APOE: variants seen among roughly 807,000 people sequenced by gnomAD.
The protein encoded by APOE is apolipoprotein E.
Under a neutral mutation model 13.1 loss-of-function variants are expected in APOE, and 10 were observed. The observed-to-expected ratio is 0.76, with a 90% confidence interval of 0.47 to 1.29. The LOEUF (loss-of-function observed/expected upper bound fraction) is 1.29, where lower values mean the gene tolerates loss of function less well. APOE is among the 50% of genes most tolerant of loss of function. The pLI is 0.00. For missense variants in APOE, 471 were observed against 459.6 expected (o/e 1.02, Z -0.23); for synonymous variants, 211 against 207.1 (o/e 1.02, Z -0.16).
chr19:44,907,818 G>T lies in APOE; in HGVS notation c.102G>T (p.Gln34His), dbSNP rs2122132426. ...CAGAGCCGGAGCCCGAGCTGCGCCA[G>T]CAGACCGAGTGGCAGAGCGGCCAGC... The part of the protein sequence containing the change: ...VETEPEPELR[Q>H]QTEWQSGQRW... The change falls in exon 3 of 4, where the codon CAG (glutamine) becomes CAT (histidine). Residue 34 changes from glutamine to histidine, a missense_variant. Physicochemically the swap from Gln to His is conservative, Grantham distance 24. Coordinates refer to ENST00000252486, the MANE Select transcript of APOE (RefSeq NM_000041.4). This position sits in a 1 kb window ranked among gnomAD's most constrained non-coding sequence, Gnocchi z 4.1. The T allele has an allele frequency of 1.9e-6, 3 of 1,613,954 alleles. No individual in the cohort carries two copies. Among genetic ancestry groups the T allele is most frequent in the Middle Eastern group, 1.7e-4 (1 of 6,060 alleles).
rs2122139524 is a variant in APOE, at chr19:44,909,027, G to A, written c.731G>A (p.Arg244His). The A allele has an allele frequency of 6.5e-7, 1 of 1,542,316 alleles. No individual in the cohort carries two copies. Among genetic ancestry groups the A allele is most frequent in the Non-Finnish European group, 8.7e-7 (1 of 1,149,368 alleles). The change falls in exon 4 of 4, where the codon CGC becomes CAC. Residue 244 changes from arginine (R) to histidine (H), a missense_variant. By Grantham distance (29) the Arg-to-His change is conservative (BLOSUM62 0). Transcript: ENST00000252486. Reference protein sequence around the residue: ...ARMEEMGSRTRDRLDEVKEQV... With the variant: ...ARMEEMGSRTHDRLDEVKEQV... ...ATGGAGGAGATGGGCAGCCGGACCC[G>A]CGACCGCCTGGACGAGGTGAAGGAG...
In APOE at chr19:44,908,932, T is replaced by C; in HGVS notation, c.636T>C (p.Thr212=). ...AACAGGGCCGCGTGCGGGCCGCCAC[T>C]GTGGGCTCCCTGGCCGGCCAGCCGC... ...LVEQGRVRAA[T]VGSLAGQPLQ... The change falls in exon 4 of 4, where the codon ACT becomes ACC. Residue 212 remains threonine (T), a synonymous_variant. Transcript: ENST00000252486. 1 of 1,500,240 alleles carries C rather than the reference T, an allele frequency of 6.7e-7. No individual in the cohort carries two copies. Among genetic ancestry groups the C allele is most frequent in the South Asian group, 1.3e-5 (1 of 79,148 alleles). The allele number at this position is 1,500,240 out of a possible 1,614,324, so 92.9% of individuals were successfully genotyped here. A position where few individuals can be genotyped will look rare whatever the true frequency, so the allele number is the denominator to read the frequency against.
Position 44,907,902 on chromosome 19 carries a change from T to TGA in APOE, c.188_189dup (p.Gln64SerfsTer16). The TGA allele has an allele frequency of 6.2e-7, 1 of 1,614,004 alleles. No individual in the cohort carries two copies. Among genetic ancestry groups the TGA allele is most frequent in the South Asian group, 1.1e-5 (1 of 91,068 alleles). On this transcript the variant is annotated frameshift_variant, in exon 3 of 4. Transcript: ENST00000252486. LOFTEE classifies it low-confidence loss of function (END_TRUNC). The surrounding 1 kb of genome is among the most constrained non-coding windows in gnomAD (Gnocchi z 4.1). ...ACCTGCGCTGGGTGCAGACACTGTCTGAGCAGGTGCAGGAGGAGCTGCTCA... is the reference window on the plus strand; with the variant it reads ...ACCTGCGCTGGGTGCAGACACTGTCTGAGAGCAGGTGCAGGAGGAGCTGCTCA...
chr19:44,908,422 T>G, intron 3 of APOE, 111 bp from the exon 4 acceptor site: 1 of 1,098,850 alleles, frequency 9.1e-7, no homozygotes, highest in Non-Finnish European at 1.4e-6. Context: ...CTCTGCCCCG[T>G]TCCTTCTCTC....
chr19:44,908,720 G>T lies in APOE; in HGVS notation c.424G>T (p.Ala142Ser). ...GGTGCAGTACCGCGGCGAGGTGCAG[G>T]CCATGCTCGGCCAGAGCACCGAGGA... ...RLVQYRGEVQ[A>S]MLGQSTEELR... The change falls in exon 4 of 4, where the codon GCC (alanine) becomes TCC (serine). Residue 142 changes from alanine (A) to serine (S), a missense_variant. Physicochemically the swap from Ala to Ser is moderately conservative, Grantham distance 99 (BLOSUM62 1). Coordinates refer to ENST00000252486, the MANE Select transcript of APOE (RefSeq NM_000041.4). 2 of 1,558,950 alleles carry T rather than the reference G, an allele frequency of 1.3e-6. No individual in the cohort carries two copies. The highest frequency in any genetic ancestry group is 8.7e-7 in the Non-Finnish European group (1 of 1,152,260).
Position 44,908,883 on chromosome 19 carries a change from G to C in APOE, c.587G>C (p.Arg196Pro). ...EGAERGLSAI[R>P]ERLGPLVEQG... ...GCCGAGCGCGGCCTCAGCGCCATCCGCGAGCGCCTGGGGCCCCTGGTGGAA... is the reference window on the plus strand; with the variant it reads ...GCCGAGCGCGGCCTCAGCGCCATCCCCGAGCGCCTGGGGCCCCTGGTGGAA... Residue 196 changes from arginine (R) to proline (P), a missense_variant, in exon 4 of 4, where the codon CGC (arginine) becomes CCC (proline). Transcript: ENST00000252486. 6.7e-7 allele frequency: 1 copy of C among 1,489,190 alleles called. No individual in the cohort carries two copies. The highest frequency in any genetic ancestry group is 8.9e-7 in the Non-Finnish European group (1 of 1,126,888). 92.2% of individuals were successfully genotyped at this position (1,489,190 alleles called of 1,614,324 possible). A position where few individuals can be genotyped will look rare whatever the true frequency, so the allele number is the denominator to read the frequency against.
chr19:44,905,803 G>A lies in APOE; in HGVS notation c.-62G>A. The A allele has an allele frequency of 7.9e-7, 1 of 1,262,094 alleles. No individual in the cohort carries two copies. The highest frequency in any genetic ancestry group is 1.0e-6 in the Non-Finnish European group (1 of 954,092). 78.2% of individuals were successfully genotyped at this position (1,262,094 alleles called of 1,614,324 possible). A position where few individuals can be genotyped will look rare whatever the true frequency, so the allele number is the denominator to read the frequency against. On this transcript the variant is annotated 5_prime_UTR_variant, in exon 1 of 4. Transcript: ENST00000252486. The stretch of plus-strand genomic sequence containing the variant: ...GTCTGGGATCCTTGAGTCCTACTCA[G>A]CCCCAGCGGAGGTGAAGGACGTCCT...
chr19:44,908,488 C>A (rs753832155), intron 3 of APOE, 45 bp from the exon 4 acceptor site: 1 of 1,592,012 alleles, frequency 6.3e-7, no homozygotes. Context: ...CAGCCCTTCT[C>A]CCCGCCTCCC....
At chr19:44,908,010 TC>T in intron 3 of APOE, 58 bp downstream of exon 3, 1 of 1,536,776 alleles carries the variant, frequency 6.5e-7, no homozygotes, top group Non-Finnish European at 8.9e-7. Context: ...CCTCCCCAGG[TC>T]CAGGTTTCAT....
chr19:44,907,793 CAG>C lies in APOE; in HGVS notation c.80_81del (p.Glu27AlafsTer36). On this transcript the variant is annotated frameshift_variant, in exon 3 of 4. Transcript: ENST00000252486. LOFTEE classifies it high-confidence loss of function. The surrounding 1 kb of genome is among the most constrained non-coding windows in gnomAD (Gnocchi z 4.1). ...GCCAAGGTGGAGCAAGCGGTGGAGA[CAG>C]AGCCGGAGCCCGAGCTGCGCCAGCA... 6.2e-7 allele frequency: 1 copy of C among 1,613,420 alleles called. No homozygotes were observed. The highest frequency in any genetic ancestry group is 8.5e-7 in the Non-Finnish European group (1 of 1,179,906).
At position 44,909,148 on chromosome 19, in the gene APOE, G is replaced by C; in HGVS notation, c.852G>C (p.Glu284Asp). The C allele has an allele frequency of 6.2e-7, 1 of 1,601,506 alleles. No homozygotes were observed. Residue 284 changes from glutamate to aspartate, a missense_variant, in exon 4 of 4, where the codon GAG becomes GAC. Glu to Asp is a conservative substitution (Grantham distance 45). Transcript: ENST00000252486. ...AFQARLKSWFEPLVEDMQRQW... is the reference protein window; with the variant it reads ...AFQARLKSWFDPLVEDMQRQW... ...AGGCCCGCCTCAAGAGCTGGTTCGA[G>C]CCCCTGGTGGAAGACATGCAGCGCC...
At chr19:44,906,080 C>T (rs1443748653) in intron 1 of APOE, among the ~76,000 whole-genome samples, 7 of 151,956 alleles carry the variant, frequency 4.6e-5, no homozygotes, top group South Asian at 2.1e-4. Context: ...GGGATGTAAG[C>T]CATAGCAGGA....
intron 3 of APOE, 53 bp downstream of exon 3, chr19:44,908,005 C>T: frequency 2.6e-6 from 4 of 1,553,692 alleles, no homozygotes; most frequent in Non-Finnish European, 3.5e-6. Flanking sequence ...CTATACCTCC[C>T]CAGGTCCAGG....
At chr19:44,906,730 C>T (rs1969816343) in intron 2 of APOE, 63 bp downstream of exon 2, 10 of 1,555,862 alleles carry the variant, frequency 6.4e-6, no homozygotes, top group Middle Eastern at 1.7e-4. Flanking sequence ...ACCTCAACCT[C>T]CTGGCCCCAT....
At chr19:44,906,045 G>C in intron 1 of APOE, 1 of 607,792 alleles carries the variant, frequency 1.6e-6, no homozygotes, top group Non-Finnish European at 2.4e-6. Flanking sequence ...CCGCTAGAAG[G>C]TGGGGTGGGG....
At chr19:44,905,944 C>G in intron 1 of APOE, 103 bp downstream of exon 1, 2 of 1,292,648 alleles carry the variant, frequency 1.5e-6, no homozygotes, top group Non-Finnish European at 2.0e-6. Flanking sequence ...GAGAGCTACT[C>G]GGGGTCGGGC....
In APOE at chr19:44,905,821, G is replaced by A. The variant is rs1033095226; in HGVS notation, c.-44G>A. The stretch of plus-strand genomic sequence containing the variant: ...CTACTCAGCCCCAGCGGAGGTGAAG[G>A]ACGTCCTTCCCCAGGAGCCGGTGAG... On this transcript the variant is annotated 5_prime_UTR_variant, in exon 1 of 4. Transcript: ENST00000252486. The A allele has an allele frequency of 3.1e-6, 4 of 1,294,822 alleles. No homozygotes were observed. In the African/African-American group the frequency reaches 4.6e-5, roughly 15 times the overall value. The allele number at this position is 1,294,822 out of a possible 1,614,324, so 80.2% of individuals were successfully genotyped here.
In APOE at chr19:44,907,153, G is replaced by T; in HGVS notation, c.43+486G>T. 1 of 197,220 alleles carries T rather than the reference G, an allele frequency of 5.1e-6. No individual in the cohort carries two copies. The highest frequency in any genetic ancestry group is 1.1e-5 in the Non-Finnish European group (1 of 94,692). 12.2% of individuals were successfully genotyped at this position (197,220 alleles called of 1,614,324 possible). On this transcript the variant is annotated intron_variant, in intron 2 of 3. Coordinates refer to ENST00000252486, the MANE Select transcript of APOE (RefSeq NM_000041.4). The surrounding 1 kb of genome is among the most constrained non-coding windows in gnomAD (Gnocchi z 4.1). ...CCGTTTCGATCTCCCAAAGTGCTGG[G>T]ATTACAGGCGTGAGCCACCGCACCT...
Position 44,908,978 on chromosome 19 carries a change from TG to T in APOE, c.686del (p.Gly229AlafsTer22). The T allele has an allele frequency of 2.0e-6, 3 of 1,531,536 alleles. No homozygotes were observed. Among genetic ancestry groups the T allele is most frequent in the Non-Finnish European group, 1.7e-6 (2 of 1,144,972 alleles). The allele number at this position is 1,531,536 out of a possible 1,614,324, so 94.9% of individuals were successfully genotyped here. On this transcript the variant is annotated frameshift_variant, in exon 4 of 4. Transcript: ENST00000252486. LOFTEE classifies it low-confidence loss of function (END_TRUNC). ...GCCGCTACAGGAGCGGGCCCAGGCC[TG>T]GGGCGAGCGGCTGCGCGCGCGGATG... is the stretch of plus-strand genomic sequence containing the variant. The part of the protein sequence containing the change: ...GQPLQERAQA[W>X]GERLRARMEE...
Sources: allele counts gnomAD v4.1 joint callset (sites outside exome capture counted in the v4.1 genomes callset), GRCh38; gene constraint gnomAD v4.1.1; non-coding constraint Gnocchi (gnomAD v3.1); transcripts MANE v1.5; gene names NCBI Gene and HGNC (gene_info 2026-07-23, HGNC 2026-07-21).